The following FAM120A variants were observed in gnomAD, a reference collection of about 807,000 sequenced individuals.
FAM120A encodes family with sequence similarity 120 member A.
A neutral mutation model predicts 109.7 loss-of-function variants in FAM120A; 15 were observed. The ratio of observed to expected loss-of-function variants is 0.14; its 90% CI spans 0.09 to 0.21. The LOEUF is 0.21. Among genes scored for constraint, FAM120A ranks in the 10% least tolerant of loss-of-function variants. The pLI, the probability that FAM120A is intolerant of heterozygous loss-of-function variation, is 1.00. For missense variants in FAM120A, 899 were observed against 1,439.3 expected (o/e 0.62, Z 6.07); for synonymous variants, 493 against 572.8 (o/e 0.86, Z 1.99).
At chr9:93,512,901 T>C (rs1025043816) in intron 5 of FAM120A, among the ~76,000 whole-genome samples, 9 of 152,226 alleles carry the variant, frequency 5.9e-5, no homozygotes, top group African/African-American at 2.2e-4. Context: ...AAATATTCTT[T>C]CCTTGGAATT....
chr9:93,530,912 G>A (rs1861302451), intron 9 of FAM120A: 1 of 152,226 alleles, frequency 6.6e-6, no homozygotes. Context: ...CTGATGCGTG[G>A]ATAGTCGGTT....
At chr9:93,537,377 C>T (rs369250561) in intron 10 of FAM120A, among the ~76,000 whole-genome samples, 1 of 152,066 alleles carries the variant, frequency 6.6e-6, no homozygotes, top group Non-Finnish European at 1.5e-5. Context: ...AATTGAAGAG[C>T]GCAAAGTTCA....
rs557552969 is a variant in FAM120A at position 93,543,382 on chromosome 9, C to T, written c.2070C>T (p.Ala690=). The change falls in exon 11 of 18, where the codon GCC becomes GCT. Residue 690 remains alanine, a synonymous_variant. Transcript: ENST00000277165. ...AGGACAAGAACCGCAGGATGAGGGC[C>T]TTCCTGGCCTGCATGAGGTCGGACA... ...AVEDKNRRMR[A]FLACMRSDTP... The T allele has an allele frequency of 1.2e-6, 2 of 1,614,178 alleles. No homozygotes were observed. The highest frequency in any genetic ancestry group is 3.3e-5 in the Admixed American group (2 of 60,024).
Position 93,452,021 on chromosome 9 carries a change from C to T in FAM120A, c.106C>T (p.Arg36Trp). The change falls in exon 1 of 18, where the codon CGG (arginine) becomes TGG (tryptophan). Residue 36 changes from arginine to tryptophan, a missense_variant. Coordinates refer to ENST00000277165, the MANE Select transcript of FAM120A (RefSeq NM_014612.5). The surrounding 1 kb of genome is among the most constrained non-coding windows in gnomAD (Gnocchi z 7.0). Reference protein sequence around the residue: ...LARGSLVGGGRQRPPQTPLRL... With the variant: ...LARGSLVGGGWQRPPQTPLRL... ...CCGGGGCAGCCTGGTGGGCGGCGGG[C>T]GGCAGCGGCCCCCGCAGACCCCGCT... 1 of 1,558,880 alleles carries T rather than the reference C, an allele frequency of 6.4e-7. No individual in the cohort carries two copies.
chr9:93,527,296 C>T, intron 8 of FAM120A, 54 bp downstream of exon 8: 1 of 1,270,988 alleles, frequency 7.9e-7, no homozygotes, highest in Non-Finnish European at 1.2e-6. Flanking sequence ...TGTATTAGCA[C>T]ACTGTATTAG....
intron 3 of FAM120A, among the ~76,000 whole-genome samples, chr9:93,497,101 C>T (rs1425198721): frequency 6.6e-6 from 1 of 152,186 alleles, no homozygotes; most frequent in African/African-American, 2.4e-5. Context: ...CGAATGGTGG[C>T]TCCAGGCCTT....
chr9:93,528,458 T>C (rs1027188210), intron 8 of FAM120A, among the ~76,000 whole-genome samples: 11 of 152,242 alleles, frequency 7.2e-5, no homozygotes, highest in African/African-American at 2.7e-4. Context: ...TCATTGCTCT[T>C]AGGCAACTAT....
chr9:93,555,399 T>G (rs1052354345), intron 12 of FAM120A, among the ~76,000 whole-genome samples: 1 of 152,204 alleles, frequency 6.6e-6, no homozygotes, highest in Non-Finnish European at 1.5e-5. Flanking sequence ...AGCAGATGAT[T>G]GTAAGTTTAT....
intron 5 of FAM120A, among the ~76,000 whole-genome samples, chr9:93,510,536 A>T (rs1860269659): frequency 6.6e-6 from 1 of 152,222 alleles, no homozygotes; most frequent in African/African-American, 2.4e-5. Flanking sequence ...TGCTTTTCCA[A>T]AACCCACAAA....
intron 3 of FAM120A, among the ~76,000 whole-genome samples, chr9:93,494,973 C>T (rs925077043): frequency 2.0e-5 from 3 of 152,270 alleles, no homozygotes; most frequent in South Asian, 2.1e-4. Flanking sequence ...GCGTCATGAA[C>T]GTGAAGGCCA....
intron 1 of FAM120A, chr9:93,453,071 C>T (rs1857352433): frequency 9.2e-7 from 1 of 1,091,386 alleles, no homozygotes; most frequent in Non-Finnish European, 1.1e-6. Context: ...GGGATTTTGT[C>T]AGTTCTGTGA....
chr9:93,498,386 C>G lies in FAM120A; in HGVS notation c.934-404C>G, dbSNP rs914662206. ...CCAGCCTGGGTGAAAGAGCGAAACTCCGTCTCAGAAGAAAAAGAGAGAGCT... is the reference window on the plus strand; with the variant it reads ...CCAGCCTGGGTGAAAGAGCGAAACTGCGTCTCAGAAGAAAAAGAGAGAGCT... On this transcript the variant is annotated intron_variant, in intron 4 of 17. Coordinates refer to ENST00000277165, the MANE Select transcript of FAM120A (RefSeq NM_014612.5). This position sits in a 1 kb window ranked among gnomAD's most constrained non-coding sequence, Gnocchi z 4.4. Among the ~76,000 whole-genome samples the G allele has an allele frequency of 6.6e-5, 10 of 152,176 alleles. No homozygotes were observed. The highest frequency in any genetic ancestry group is 2.4e-4 in the African/African-American group (10 of 41,450).
chr9:93,560,112 G>C (rs1862420382), intron 15 of FAM120A, among the ~76,000 whole-genome samples: 1 of 152,126 alleles, frequency 6.6e-6, no homozygotes, highest in African/African-American at 2.4e-5. Flanking sequence ...GGGCAATATA[G>C]TGAGACCCCT....
At position 93,565,209 on chromosome 9, in the gene FAM120A, A is replaced by G. The variant is rs1220730106; in HGVS notation, c.*669A>G. ...GGAGATAAAGTTGAAATCATAGAAG[A>G]TGCAAATGACCTTTCAAAATCAACA... On this transcript the variant is annotated 3_prime_UTR_variant, in exon 18 of 18. Transcript: ENST00000277165. 1 of 152,694 alleles carries G rather than the reference A, an allele frequency of 6.5e-6. No individual in the cohort carries two copies. The highest frequency in any genetic ancestry group is 2.4e-5 in the African/African-American group (1 of 41,460). 9.5% of individuals were successfully genotyped at this position (152,694 alleles called of 1,614,324 possible).
At chr9:93,476,921 T>A (rs1858574038) in intron 3 of FAM120A, among the ~76,000 whole-genome samples, 1 of 152,284 alleles carries the variant, frequency 6.6e-6, no homozygotes, top group South Asian at 2.1e-4. Context: ...AGTGGAAGTG[T>A]CTGTGTTTGA....
chr9:93,479,755 G>A (rs1433601658), intron 3 of FAM120A, among the ~76,000 whole-genome samples: 1 of 152,132 alleles, frequency 6.6e-6, no homozygotes, highest in African/African-American at 2.4e-5. Context: ...TTAAACATGT[G>A]TCTTTACCAA....
chr9:93,463,724 C>T (rs1857895153), intron 1 of FAM120A, among the ~76,000 whole-genome samples: 1 of 152,172 alleles, frequency 6.6e-6, no homozygotes, highest in African/African-American at 2.4e-5. Context: ...AATCAGCTAG[C>T]TGGCTGGAGG....
intron 15 of FAM120A, among the ~76,000 whole-genome samples, chr9:93,559,950 T>C (rs1481248028): frequency 1.3e-5 from 2 of 152,186 alleles, no homozygotes; most frequent in Admixed American, 6.6e-5. Context: ...GTAAAATACA[T>C]ATCAGATTTT....
At chr9:93,550,773 A>T in intron 12 of FAM120A, 82 bp downstream of exon 12, 1 of 957,590 alleles carries the variant, frequency 1.0e-6, no homozygotes, top group Non-Finnish European at 1.6e-6. Context: ...CAACAGGCAG[A>T]ATTGCTAATT....
Sources: allele counts gnomAD v4.1 joint callset (sites outside exome capture counted in the v4.1 genomes callset), GRCh38; gene constraint gnomAD v4.1.1; non-coding constraint Gnocchi (gnomAD v3.1); transcripts MANE v1.5; gene names NCBI Gene and HGNC (gene_info 2026-07-23, HGNC 2026-07-21).